Variants in PPP1R15B observed in about 807,000 individuals in gnomAD.
PPP1R15B encodes protein phosphatase 1, regulatory (inhibitor) subunit 15B.
Under a neutral mutation model 53.9 loss-of-function variants are expected in PPP1R15B, and 31 were observed. That is an observed-to-expected ratio of 0.58 (90% CI 0.43 to 0.78). PPP1R15B has a LOEUF of 0.78. Among genes scored for constraint, PPP1R15B ranks in the 30% least tolerant of loss-of-function variants. The pLI, the probability that PPP1R15B is intolerant of heterozygous loss-of-function variation, is 0.00. For synonymous variants in PPP1R15B, 345 were observed against 329.1 expected (o/e 1.05, Z -0.52); for missense variants, 928 against 849.6 (o/e 1.09, Z -1.15).
rs765372924 is a variant in PPP1R15B at position 204,409,655 on chromosome 1, C to G, written c.1757G>C (p.Arg586Pro). Residue 586 changes from arginine (R) to proline (P), a missense_variant, in exon 1 of 2, where the codon CGT (arginine) becomes CCT (proline). Transcript: ENST00000367188. ...QTSGENEKGCRDSKTPSESIV... is the reference protein window; with the variant it reads ...QTSGENEKGCPDSKTPSESIV... The stretch of plus-strand genomic sequence containing the variant: ...GGACTCAGATGGGGTCTTTGAGTCA[C>G]GACAGCCTTTCTCATTTTCCCCTGA... 9.3e-6 allele frequency: 15 copies of G among 1,614,068 alleles called. No homozygotes were observed. The highest frequency in any genetic ancestry group is 1.2e-5 in the Non-Finnish European group (14 of 1,180,006).
Position 204,403,717 on chromosome 1 carries a change from A to T in PPP1R15B, c.*2375T>A. The T allele has an allele frequency of 1.0e-6, 1 of 985,012 alleles. No homozygotes were observed. Among genetic ancestry groups the T allele is most frequent in the Non-Finnish European group, 1.2e-6 (1 of 829,162 alleles). 61.0% of individuals were successfully genotyped at this position (985,012 alleles called of 1,614,324 possible). On this transcript the variant is annotated 3_prime_UTR_variant, in exon 2 of 2. Coordinates refer to ENST00000367188, the MANE Select transcript of PPP1R15B (RefSeq NM_032833.5). Reference sequence around the variant, plus strand: ...TTAAATGTATAAAATGTTTAATTAAAACCTCCAAAGATTTTCTCTTTAAGA... The same window carrying T: ...TTAAATGTATAAAATGTTTAATTAATACCTCCAAAGATTTTCTCTTTAAGA...
downstream of PPP1R15B, among the ~76,000 whole-genome samples, chr1:204,400,348 TA>T (rs535353070): frequency 1.6e-4 from 24 of 151,048 alleles, no homozygotes; most frequent in South Asian, 4.2e-4. Flanking sequence ...CCATCTTTTT[TA>T]TTTTCAACAT....
downstream of PPP1R15B, among the ~76,000 whole-genome samples, chr1:204,400,195 C>G (rs561715105): frequency 6.7e-6 from 1 of 149,352 alleles, no homozygotes; most frequent in South Asian, 2.1e-4. Flanking sequence ...TGTGATCATG[C>G]CACTGTACTT....
Position 204,406,045 on chromosome 1 carries a change from C to G in PPP1R15B, c.*47G>C, listed in dbSNP as rs1674258324. On this transcript the variant is annotated 3_prime_UTR_variant, in exon 2 of 2. Transcript: ENST00000367188. ...CAAGATTTGTTTTTAAAAGACACCTCTCAGGTAAGAGGTAGTGTATGCTAG... is the reference window on the plus strand; with the variant it reads ...CAAGATTTGTTTTTAAAAGACACCTGTCAGGTAAGAGGTAGTGTATGCTAG... The G allele has an allele frequency of 1.3e-6, 2 of 1,582,768 alleles. No homozygotes were observed. The highest frequency in any genetic ancestry group is 3.5e-5 in the Admixed American group (2 of 56,488).
downstream of PPP1R15B, among the ~76,000 whole-genome samples, chr1:204,401,347 C>A (rs1674176211): frequency 6.6e-6 from 1 of 152,064 alleles, no homozygotes; most frequent in Admixed American, 6.5e-5. Context: ...TGGAGCACAT[C>A]CAGGAAGGAA....
chr1:204,399,515 C>T (rs1674142675), downstream of PPP1R15B, among the ~76,000 whole-genome samples: 1 of 151,578 alleles, frequency 6.6e-6, no homozygotes, highest in Admixed American at 6.6e-5. Context: ...CAAGATTGCA[C>T]CATTGCACTC....
At chr1:204,409,360 A>G in intron 1 of PPP1R15B, 132 bp downstream of exon 1, 1 of 984,854 alleles carries the variant, frequency 1.0e-6, no homozygotes, top group Non-Finnish European at 1.5e-6. Context: ...ATATTTCTCA[A>G]TCCAAGTATA....
rs1674329412 is a variant in PPP1R15B at position 204,409,802 on chromosome 1, G to C, written c.1610C>G (p.Ser537Cys). Residue 537 changes from serine (S) to cysteine (C), a missense_variant, in exon 1 of 2, where the codon TCT (serine) becomes TGT (cysteine). Transcript: ENST00000367188. Reference protein sequence around the residue: ...GSLPETPEHSSGEEDDWESSA... With the variant: ...GSLPETPEHSCGEEDDWESSA... ...AGATTCCCAGTCATCTTCCTCCCCA[G>C]AACTATGCTCAGGGGTCTCAGGAAG... is the stretch of plus-strand genomic sequence containing the variant. The C allele has an allele frequency of 1.2e-6, 2 of 1,614,048 alleles. No individual in the cohort carries two copies. Among genetic ancestry groups the C allele is most frequent in the Admixed American group, 1.7e-5 (1 of 60,004 alleles).
At position 204,404,996 on chromosome 1, in the gene PPP1R15B, G is replaced by A. The variant is rs1674240352; in HGVS notation, c.*1096C>T. The A allele has an allele frequency of 3.0e-6, 3 of 984,976 alleles. No individual in the cohort carries two copies. Among genetic ancestry groups the A allele is most frequent in the Admixed American group, 6.2e-5 (1 of 16,250 alleles). The allele number at this position is 984,976 out of a possible 1,614,324, so 61.0% of individuals were successfully genotyped here. A position where few individuals can be genotyped will look rare whatever the true frequency, so the allele number is the denominator to read the frequency against. ...TACTTCTCTCATTATTAAATAGTAGGACACAATAAACCTGGATATTGACTG... is the reference window on the plus strand; with the variant it reads ...TACTTCTCTCATTATTAAATAGTAGAACACAATAAACCTGGATATTGACTG... On this transcript the variant is annotated 3_prime_UTR_variant, in exon 2 of 2. Coordinates refer to ENST00000367188, the MANE Select transcript of PPP1R15B (RefSeq NM_032833.5).
rs1674355674 is a variant in PPP1R15B at position 204,410,749 on chromosome 1, A to G, written c.663T>C (p.Tyr221=). The G allele has an allele frequency of 6.2e-7, 1 of 1,614,090 alleles. No homozygotes were observed. Among genetic ancestry groups the G allele is most frequent in the South Asian group, 1.1e-5 (1 of 91,090 alleles). The change falls in exon 1 of 2, where the codon TAT becomes TAC. Residue 221 remains tyrosine, a synonymous_variant. Transcript: ENST00000367188. ...QRIDNFSVVS[Y]LLNPSYLDCF... ...AGTCCAGGTAGGAAGGGTTCAGCAA[A>G]TAGGATACCACACTGAAATTGTCTA...
In PPP1R15B at chr1:204,410,678, C is replaced by T. The variant is rs779323552; in HGVS notation, c.734G>A (p.Ser245Asn). Residue 245 changes from serine to asparagine, a missense_variant, in exon 1 of 2, where the codon AGC (serine) becomes AAC (asparagine). Ser to Asn is a conservative substitution (Grantham distance 46). Transcript: ENST00000367188. ...EVSYQNSDGN[S>N]EVVGFQTLTP... ...TAGTGTCTGGAAGCCGACTACCTCG[C>T]TATTTCCATCACTGTTCTGATAGCT... 21 of 1,613,876 alleles carry T rather than the reference C, an allele frequency of 1.3e-5. No individual in the cohort carries two copies. The highest frequency in any genetic ancestry group is 1.6e-4 in the Middle Eastern group (1 of 6,084).
Position 204,404,550 on chromosome 1 carries a change from ATAGTGT to A in PPP1R15B, c.*1536_*1541del, listed in dbSNP as rs1674233520. ...CTCTGCAAAAATTTGACCAGCTTTT[ATAGTGT>A]TGCATTCTCAATGTGTTTAATTATG... On this transcript the variant is annotated 3_prime_UTR_variant, in exon 2 of 2. Coordinates refer to ENST00000367188, the MANE Select transcript of PPP1R15B (RefSeq NM_032833.5). The A allele has an allele frequency of 1.0e-6, 1 of 985,656 alleles. No homozygotes were observed. Among genetic ancestry groups the A allele is most frequent in the East Asian group, 1.1e-4 (1 of 8,826 alleles). The allele number at this position is 985,656 out of a possible 1,614,324, so 61.1% of individuals were successfully genotyped here. A position where few individuals can be genotyped will look rare whatever the true frequency, so the allele number is the denominator to read the frequency against.
At chr1:204,406,976 G>A (rs953744070) in intron 1 of PPP1R15B, among the ~76,000 whole-genome samples, 15 of 151,658 alleles carry the variant, frequency 9.9e-5, no homozygotes, top group Non-Finnish European at 1.3e-4. Context: ...TTTTCATGCT[G>A]TTATTAACCC....
At position 204,410,091 on chromosome 1, in the gene PPP1R15B, A is replaced by C. The variant is rs1307740631; in HGVS notation, c.1321T>G (p.Ser441Ala). ...TCCCAATCCTCACCTTCTGGATCAGAACTTGTTTCCAGGTCACTGGATGCA... is the reference window on the plus strand; with the variant it reads ...TCCCAATCCTCACCTTCTGGATCAGCACTTGTTTCCAGGTCACTGGATGCA... ...GGASSDLETS[S>A]DPEGEDWDEE... Residue 441 changes from serine to alanine, a missense_variant, in exon 1 of 2, where the codon TCT becomes GCT. By Grantham distance (99) the Ser-to-Ala change is moderately conservative (BLOSUM62 1). Transcript: ENST00000367188. 1.9e-6 allele frequency: 3 copies of C among 1,614,080 alleles called. No individual in the cohort carries two copies. The highest frequency in any genetic ancestry group is 2.5e-6 in the Non-Finnish European group (3 of 1,180,048).
downstream of PPP1R15B, chr1:204,403,230 G>T (rs1674207623): frequency 5.1e-6 from 1 of 196,172 alleles, no homozygotes; most frequent in South Asian, 1.8e-4. Context: ...CAAATCTTCA[G>T]TTTCTTAGAA....
At position 204,410,269 on chromosome 1, in the gene PPP1R15B, A is replaced by G. The variant is rs771795282; in HGVS notation, c.1143T>C (p.Pro381=). 2 of 1,614,054 alleles carry G rather than the reference A, an allele frequency of 1.2e-6. No individual in the cohort carries two copies. The highest frequency in any genetic ancestry group is 2.7e-5 in the African/African-American group (2 of 74,930). The part of the protein sequence containing the change: ...EVPLALEEES[P]SEGCPSSEIP... ...TCTCACTAGATGGACAGCCCTCAGAAGGGCTCTCTTCTTCCAAAGCAAGTG... is the reference window on the plus strand; with the variant it reads ...TCTCACTAGATGGACAGCCCTCAGAGGGGCTCTCTTCTTCCAAAGCAAGTG... Residue 381 remains proline, a synonymous_variant, in exon 1 of 2, where the codon CCT becomes CCC. Transcript: ENST00000367188.
rs998844180 is a variant in PPP1R15B at position 204,411,437 on chromosome 1, G to A, written c.-26C>T. 16 of 1,596,410 alleles carry A rather than the reference G, an allele frequency of 1.0e-5. No homozygotes were observed. The highest frequency in any genetic ancestry group is 2.3e-4 in the Middle Eastern group (1 of 4,430). On this transcript the variant is annotated 5_prime_UTR_variant, in exon 1 of 2. Coordinates refer to ENST00000367188, the MANE Select transcript of PPP1R15B (RefSeq NM_032833.5). ...CTCCTTTTTCTTGACAGTCTCTCAG[G>A]TAGGGCCGCGGCGCTCAGCGGCTGG...
downstream of PPP1R15B, among the ~76,000 whole-genome samples, chr1:204,402,577 T>C (rs1217076875): frequency 6.6e-6 from 1 of 151,760 alleles, no homozygotes; most frequent in East Asian, 1.9e-4. Context: ...TGCGCCACCA[T>C]GGGCCAGTTT....
rs1674377669 is a variant in PPP1R15B, at chr1:204,411,436, G to A, written c.-25C>T. 1.9e-6 allele frequency: 3 copies of A among 1,597,920 alleles called. No homozygotes were observed. The highest frequency in any genetic ancestry group is 2.7e-5 in the African/African-American group (2 of 74,518). On this transcript the variant is annotated 5_prime_UTR_variant, in exon 1 of 2. Coordinates refer to ENST00000367188, the MANE Select transcript of PPP1R15B (RefSeq NM_032833.5). ...TCTCCTTTTTCTTGACAGTCTCTCA[G>A]GTAGGGCCGCGGCGCTCAGCGGCTG...
Sources: allele counts gnomAD v4.1 joint callset (sites outside exome capture counted in the v4.1 genomes callset), GRCh38; gene constraint gnomAD v4.1.1; transcripts MANE v1.5; gene names NCBI Gene and HGNC (gene_info 2026-07-23, HGNC 2026-07-21).